RPL6: variants seen among roughly 807,000 people sequenced by gnomAD.
RPL6 encodes large ribosomal subunit protein eL6.
A neutral mutation model predicts 32.1 loss-of-function variants in RPL6; 1 was observed. The ratio of observed to expected loss-of-function variants is 0.03; its 90% CI spans 0.01 to 0.15. The LOEUF (loss-of-function observed/expected upper bound fraction) is 0.15, where lower values mean the gene tolerates loss of function less well. RPL6 is among the 10% of genes least tolerant of loss of function. RPL6 has a pLI of 1.00. For synonymous variants in RPL6, 126 were observed against 131.6 expected (o/e 0.96, Z 0.29); for missense variants, 275 against 354.6 (o/e 0.78, Z 1.80).
At chr12:112,406,520 G>A (rs1018051750) in intron 4 of RPL6, 178 bp from the exon 5 acceptor site, 7 of 802,232 alleles carry the variant, frequency 8.7e-6, no homozygotes, top group South Asian at 3.7e-5. Flanking sequence ...ACATAAACAC[G>A]TTTTTGAGTA....
chr12:112,412,043 C>A (rs996423692), upstream of RPL6, among the ~76,000 whole-genome samples: 12 of 150,490 alleles, frequency 8.0e-5, no homozygotes, highest in African/African-American at 2.9e-4. Flanking sequence ...CCACACCTGG[C>A]TAATTTTTTT....
intron 6 of RPL6, 132 bp from the exon 7 acceptor site, chr12:112,405,508 T>A: frequency 1.0e-6 from 1 of 966,526 alleles, no homozygotes; most frequent in South Asian, 1.6e-5. Flanking sequence ...ATTTTGACAA[T>A]CCTTTCCTTG....
chr12:112,410,884 C>A (rs2037334058), upstream of RPL6, among the ~76,000 whole-genome samples: 1 of 152,120 alleles, frequency 6.6e-6, no homozygotes, highest in South Asian at 2.1e-4. Context: ...GAACTGTTAG[C>A]TCTTGTTATT....
At chr12:112,409,349 GT>G (rs2037287228) in intron 1 of RPL6, 1 of 395,754 alleles carries the variant, frequency 2.5e-6, no homozygotes, top group South Asian at 1.4e-4. Context: ...AAAGGGCCTC[GT>G]TCCCCCAGCC....
chr12:112,413,413 C>T (rs1339596137), upstream of RPL6, among the ~76,000 whole-genome samples: 1 of 152,044 alleles, frequency 6.6e-6, no homozygotes, highest in African/African-American at 2.4e-5. Context: ...TGGCGGGTGC[C>T]TGTAGTCCCA....
rs748956216 is a variant in RPL6 at position 112,406,274 on chromosome 12, C to T, written c.529+20G>A. On this transcript the variant is annotated intron_variant, in intron 5 of 6. Transcript: ENST00000202773. ...AAAATGGAAGTTTCACAGAACATCA[C>T]AATCCAAGGATTTTCTTACCAGTCA... 2 of 1,607,190 alleles carry T rather than the reference C, an allele frequency of 1.2e-6. No individual in the cohort carries two copies.
chr12:112,408,345 G>T lies in RPL6; in HGVS notation c.238-7C>A, dbSNP rs772070979. ...CCTTCTTTTTCTTTTCAACCTACAA[G>T]GACACAAATGCATCAACAGTAAGAG... is the stretch of plus-strand genomic sequence containing the variant. On this transcript the variant is annotated splice_region_variant and splice_polypyrimidine_tract_variant and intron_variant, in intron 2 of 6. Transcript: ENST00000202773. The T allele has an allele frequency of 6.2e-7, 1 of 1,613,908 alleles. No homozygotes were observed. The highest frequency in any genetic ancestry group is 1.1e-5 in the South Asian group (1 of 91,078).
chr12:112,417,260 G>C (rs1390357832), intron 1 of RPL6, among the ~76,000 whole-genome samples: 1 of 152,008 alleles, frequency 6.6e-6, no homozygotes, highest in Non-Finnish European at 1.5e-5. Context: ...GTCTCACCAT[G>C]TTGGCCAGGC....
intron 1 of RPL6, among the ~76,000 whole-genome samples, chr12:112,416,133 A>ATTTT (rs1168421826): frequency 5.9e-5 from 3 of 51,052 alleles, no homozygotes; most frequent in East Asian, 5.1e-4. Context: ...TAAATTTTGT[A>ATTTT]TTTTTTTTTT....
upstream of RPL6, among the ~76,000 whole-genome samples, chr12:112,410,605 G>A (rs1207676870): frequency 3.0e-5 from 3 of 100,510 alleles, no homozygotes; most frequent in South Asian, 9.9e-4. Flanking sequence ...ATGGAGTCTC[G>A]CTCTGTCACC....
chr12:112,409,613 G>A (rs941082118), upstream of RPL6: 42 of 398,166 alleles, frequency 1.1e-4, no homozygotes, highest in East Asian at 9.3e-4. Flanking sequence ...GAGAATTAAG[G>A]TCCCGGCTTC....
In RPL6 at chr12:112,405,197, A is replaced by T; in HGVS notation, c.*27T>A. Reference sequence around the variant, plus strand: ...AAAAAAAGAGACACAAAATGTAGTCAGCTATTTAATTAGGTTCTTAAGACA... The same window carrying T: ...AAAAAAAGAGACACAAAATGTAGTCTGCTATTTAATTAGGTTCTTAAGACA... On this transcript the variant is annotated 3_prime_UTR_variant, in exon 7 of 7. Coordinates refer to ENST00000202773, the MANE Select transcript of RPL6 (RefSeq NM_000970.6). 2.6e-6 allele frequency: 4 copies of T among 1,550,438 alleles called. No individual in the cohort carries two copies. Among genetic ancestry groups the T allele is most frequent in the Non-Finnish European group, 3.5e-6 (4 of 1,153,076 alleles).
At position 112,418,082 on chromosome 12, in the gene RPL6, C is replaced by A. The variant is rs113381499; in HGVS notation, c.-229+646G>T. 8.2e-3 allele frequency among the ~76,000 whole-genome samples: 1,243 copies of A among 152,008 alleles called. 22 individuals carry two copies. The highest frequency in any genetic ancestry group is 0.028 in the African/African-American group (1,175 of 41,452). On this transcript the variant is annotated intron_variant, in intron 1 of 5. Coordinates refer to the RPL6 transcript ENST00000551291. Reference sequence around the variant, plus strand: ...GCAACCTCTGCCTCCCGGGTTCAAGCGATTCTCCTGCTTCAGACTCCCAAG... The same window carrying A: ...GCAACCTCTGCCTCCCGGGTTCAAGAGATTCTCCTGCTTCAGACTCCCAAG...
At chr12:112,409,376 G>A (rs1044421019) in intron 1 of RPL6, 1 of 397,472 alleles carries the variant, frequency 2.5e-6, no homozygotes, top group African/African-American at 2.1e-5. Flanking sequence ...GAGTGGCGAA[G>A]AACCGGAGGG....
Position 112,408,550 on chromosome 12 carries a change from T to G in RPL6, c.107A>C (p.Lys36Thr). 1 of 1,608,824 alleles carries G rather than the reference T, an allele frequency of 6.2e-7. No individual in the cohort carries two copies. Among genetic ancestry groups the G allele is most frequent in the Non-Finnish European group, 8.5e-7 (1 of 1,179,798 alleles). The change falls in exon 2 of 7, where the codon AAG becomes ACG. Residue 36 changes from lysine (K) to threonine (T), a missense_variant. Physicochemically the swap from Lys to Thr is moderately conservative, Grantham distance 78 (BLOSUM62 -1). Coordinates refer to ENST00000202773, the MANE Select transcript of RPL6 (RefSeq NM_000970.6). Reference protein sequence around the residue: ...KVKKGNLKAKKPKKGKPHCSR... With the variant: ...KVKKGNLKAKTPKKGKPHCSR... The stretch of plus-strand genomic sequence containing the variant: ...GCAATGGGGCTTCCCCTTCTTGGGC[T>G]TTTTAGCTTTGAGGTTACCCTTTTT...
upstream of RPL6, among the ~76,000 whole-genome samples, chr12:112,412,565 C>G (rs554540065): frequency 4.9e-4 from 75 of 151,962 alleles, no homozygotes; most frequent in Non-Finnish European, 4.4e-5. Flanking sequence ...GCCTTGACCT[C>G]CTGGGTTCAA....
chr12:112,406,864 C>T lies in RPL6; in HGVS notation c.363G>A (p.Val121=), dbSNP rs376501383. 6.2e-7 allele frequency: 1 copy of T among 1,614,206 alleles called. No individual in the cohort carries two copies. The highest frequency in any genetic ancestry group is 2.2e-5 in the East Asian group (1 of 44,886). The change falls in exon 4 of 7, where the codon GTG becomes GTA. Residue 121 remains valine (V), a synonymous_variant. Transcript: ENST00000202773. ...TGCCGTGGCTCAACAGCTTTCGAGG[C>T]ACATCTTCAGTAGGATAATATCTAG... ...KMPRYYPTED[V]PRKLLSHGKK... is the part of the protein sequence containing the mutation.
At chr12:112,416,024 T>A (rs912889208) in intron 1 of RPL6, among the ~76,000 whole-genome samples, 1 of 144,238 alleles carries the variant, frequency 6.9e-6, no homozygotes, top group Non-Finnish European at 1.5e-5. Context: ...AGTGGCGCAA[T>A]CTTGGCTCAC....
chr12:112,406,981 T>C (rs1053012888), intron 3 of RPL6, 91 bp from the exon 4 acceptor site: 6 of 1,324,176 alleles, frequency 4.5e-6, no homozygotes, highest in Admixed American at 4.2e-5. Context: ...CTACAGCCTT[T>C]TTATTTTAAA....
Sources: allele counts gnomAD v4.1 joint callset (sites outside exome capture counted in the v4.1 genomes callset), GRCh38; gene constraint gnomAD v4.1.1; transcripts MANE v1.5; gene names NCBI Gene and HGNC (gene_info 2026-07-23, HGNC 2026-07-21).